TUT4: variants seen among roughly 807,000 people sequenced by gnomAD.
The protein encoded by TUT4 is terminal uridylyltransferase 4.
TUT4 carries 36 observed loss-of-function variants against 192.2 expected under a neutral mutation model. The ratio of observed to expected loss-of-function variants is 0.19; its 90% CI spans 0.14 to 0.25. The LOEUF (loss-of-function observed/expected upper bound fraction) is 0.25. Ranked by LOEUF, TUT4 falls within the 10% of genes least tolerant of loss-of-function variation. TUT4 has a pLI of 1.00. For missense variants in TUT4, 1,493 were observed against 1,957.2 expected, an observed-to-expected ratio of 0.76 and a Z score of 4.47; for synonymous variants, 618 against 666.0, an observed-to-expected ratio of 0.93 and a Z score of 1.11.
chr1:52,479,624 T>A (rs189170408), intron 11 of TUT4, among the ~76,000 whole-genome samples: 2 of 152,234 alleles, frequency 1.3e-5, no homozygotes, highest in Non-Finnish European at 2.9e-5. Context: ...GTGCAAACAA[T>A]TAAGATGAAA....
Position 52,472,106 on chromosome 1 carries a change from C to T in TUT4, c.2728-4G>A, listed in dbSNP as rs770778685. ...TGCTGCATACTATCGTTGGTGGCTA[C>T]ACAAAGATAAAAAGAAATCTAATCT... On this transcript the variant is annotated splice_region_variant and splice_polypyrimidine_tract_variant and intron_variant, in intron 13 of 29. Transcript: ENST00000257177. 1.2e-6 allele frequency: 2 copies of T among 1,611,290 alleles called. No homozygotes were observed. The highest frequency in any genetic ancestry group is 1.1e-5 in the South Asian group (1 of 90,480).
At chr1:52,482,618 G>C (rs1200989132) in intron 9 of TUT4, among the ~76,000 whole-genome samples, 2 of 151,940 alleles carry the variant, frequency 1.3e-5, no homozygotes, top group African/African-American at 2.4e-5. Context: ...TAGACTATTT[G>C]TAGACAAATT....
chr1:52,451,849 A>G (rs1659528724), intron 20 of TUT4, among the ~76,000 whole-genome samples: 1 of 151,908 alleles, frequency 6.6e-6, no homozygotes, highest in African/African-American at 2.4e-5. Context: ...TCTCAAAAAA[A>G]AAAAAAAGAC....
At chr1:52,521,592 G>A (rs919475181) in intron 2 of TUT4, among the ~76,000 whole-genome samples, 5 of 152,188 alleles carry the variant, frequency 3.3e-5, no homozygotes, top group Admixed American at 3.3e-4. Flanking sequence ...TTAAGCCCAG[G>A]AGGTAGAAGT....
At position 52,423,637 on chromosome 1, in the gene TUT4, C is replaced by A; in HGVS notation, c.*298G>T. The A allele has an allele frequency of 2.4e-6, 1 of 425,494 alleles. No individual in the cohort carries two copies. The highest frequency in any genetic ancestry group is 4.1e-6 in the Non-Finnish European group (1 of 241,032). The allele number at this position is 425,494 out of a possible 1,614,324, so 26.4% of individuals were successfully genotyped here. On this transcript the variant is annotated 3_prime_UTR_variant, in exon 30 of 30. Coordinates refer to ENST00000257177, the MANE Select transcript of TUT4 (RefSeq NM_001009881.3). ...CAAGGTTAAACAAAACATAAAATTC[C>A]CTTAAAAATAGGGTAATAAAATAGA...
chr1:52,459,508 G>C (rs1034871132), intron 19 of TUT4, among the ~76,000 whole-genome samples: 10 of 151,972 alleles, frequency 6.6e-5, no homozygotes, highest in Non-Finnish European at 1.3e-4. Flanking sequence ...AGGATCAATT[G>C]AGCCCAGGAG....
intron 4 of TUT4, 51 bp downstream of exon 4, chr1:52,509,545 T>C: frequency 6.8e-6 from 7 of 1,025,642 alleles, no homozygotes; most frequent in South Asian, 6.0e-5. Flanking sequence ...ATATTCAATA[T>C]GGTTTTACAA....
intron 26 of TUT4, among the ~76,000 whole-genome samples, chr1:52,436,004 A>AT (rs755394425): frequency 1.6e-4 from 24 of 151,056 alleles, no homozygotes; most frequent in African/African-American, 3.6e-4. Context: ...ATGTTCTCTT[A>AT]TTTTTTTTTA....
intron 24 of TUT4, 59 bp downstream of exon 24, chr1:52,445,728 A>C: frequency 7.8e-7 from 1 of 1,278,828 alleles, no homozygotes; most frequent in Non-Finnish European, 1.1e-6. Flanking sequence ...AAACACAATT[A>C]AGTTTCTTGT....
At chr1:52,472,162 G>T in intron 13 of TUT4, 60 bp from the exon 14 acceptor site, 1 of 1,487,760 alleles carries the variant, frequency 6.7e-7, no homozygotes. Context: ...CATCACTTAG[G>T]AAGTGAATTC....
chr1:52,477,877 A>C lies in TUT4; in HGVS notation c.1854T>G (p.Pro618=), dbSNP rs766526751. 3 of 1,581,734 alleles carry C rather than the reference A, an allele frequency of 1.9e-6. No individual in the cohort carries two copies. The Admixed American group carries it at 6.0e-5, about 32-fold the overall frequency. The change falls in exon 12 of 30, where the codon CCT becomes CCG. Residue 618 remains proline, a synonymous_variant. Transcript: ENST00000257177. The part of the protein sequence containing the change: ...NAMKEKHGKS[P]LALETPNRVS... ...CCCGATTTGGTGTTTCCAATGCTAA[A>C]GGAGACTGGAAAAGAAAAAATACTT... is the stretch of plus-strand genomic sequence containing the variant.
chr1:52,473,870 G>GT (rs1441932869), intron 13 of TUT4, among the ~76,000 whole-genome samples: 1 of 152,070 alleles, frequency 6.6e-6, no homozygotes, highest in Non-Finnish European at 1.5e-5. Flanking sequence ...TGTTCAATGG[G>GT]TTTTTTCCTA....
rs1022177703 is a variant in TUT4, at chr1:52,435,240, CAT to C, written c.4263+123_4263+124del. ...TTCCACCTTATGTGCCTAGCAAGGA[CAT>C]ATATACAAAGCACTGTGTAATCTGG... On this transcript the variant is annotated intron_variant, in intron 27 of 29. Transcript: ENST00000257177. 6.1e-6 allele frequency: 4 copies of C among 650,438 alleles called. No individual in the cohort carries two copies. In the African/African-American group the frequency reaches 7.3e-5, roughly 12 times the overall value. 40.3% of individuals were successfully genotyped at this position (650,438 alleles called of 1,614,324 possible).
At chr1:52,429,046 C>T (rs1394579191) in intron 28 of TUT4, among the ~76,000 whole-genome samples, 1 of 149,206 alleles carries the variant, frequency 6.7e-6, no homozygotes, top group African/African-American at 2.5e-5. Flanking sequence ...ATATACTTTA[C>T]TGTCTTTTGT....
Position 52,429,471 on chromosome 1 carries a change from C to T in TUT4, c.4711+1542G>A, listed in dbSNP as rs138286476. Among the ~76,000 whole-genome samples, 765 of 151,590 alleles carry T rather than the reference C, an allele frequency of 5.0e-3. 8 individuals are homozygous for T. The highest frequency in any genetic ancestry group is 0.017 in the African/African-American group (709 of 41,386). On this transcript the variant is annotated intron_variant, in intron 28 of 29. Coordinates refer to ENST00000257177, the MANE Select transcript of TUT4 (RefSeq NM_001009881.3). ...GCTAAGGCAGGAGGAGCACTTGAGC[C>T]CAGGAGTTCAAGGTTGTAGTATGCT...
intron 3 of TUT4, among the ~76,000 whole-genome samples, chr1:52,510,144 T>G (rs1676717220): frequency 6.6e-6 from 1 of 151,756 alleles, no homozygotes; most frequent in Admixed American, 6.6e-5. Flanking sequence ...AAACCCATTC[T>G]CTACTAAAAA....
At position 52,461,777 on chromosome 1, in the gene TUT4, ACAAAT is replaced by A; in HGVS notation, c.3070-13_3070-9del. The A allele has an allele frequency of 7.5e-7, 1 of 1,340,346 alleles. No individual in the cohort carries two copies. Among genetic ancestry groups the A allele is most frequent in the Non-Finnish European group, 1.0e-6 (1 of 973,440 alleles). The allele number at this position is 1,340,346 out of a possible 1,614,324, so 83.0% of individuals were successfully genotyped here. A position where few individuals can be genotyped will look rare whatever the true frequency, so the allele number is the denominator to read the frequency against. On this transcript the variant is annotated splice_polypyrimidine_tract_variant and intron_variant, in intron 16 of 29. Coordinates refer to ENST00000257177, the MANE Select transcript of TUT4 (RefSeq NM_001009881.3). ...TTCCTTACAATTTAATTTCTAAAAA[ACAAAT>A]CAAATAAATAAGTTTGACTCAATTT... is the stretch of plus-strand genomic sequence containing the variant.
chr1:52,493,726 G>A, intron 6 of TUT4, 64 bp from the exon 7 acceptor site: 1 of 1,000,238 alleles, frequency 1.0e-6, no homozygotes, highest in East Asian at 2.5e-5. Flanking sequence ...GAACATTAAG[G>A]AAAACTCAAT....
chr1:52,489,008 T>G lies in TUT4; in HGVS notation c.1416A>C (p.Gly472=). ...KSGLLCRVSA[G]NDMACLTTDL... is the part of the protein sequence containing the mutation. Reference sequence around the variant, plus strand: ...CAGTAGTGAGACATGCCATATCGTTTCCTGCACTCACTCTACAAAGTAAAC... The same window carrying G: ...CAGTAGTGAGACATGCCATATCGTTGCCTGCACTCACTCTACAAAGTAAAC... Residue 472 remains glycine (G), a synonymous_variant, in exon 9 of 30, where the codon GGA becomes GGC. Transcript: ENST00000257177. 1 of 1,613,324 alleles carries G rather than the reference T, an allele frequency of 6.2e-7. No homozygotes were observed.
Sources: allele counts gnomAD v4.1 joint callset (sites outside exome capture counted in the v4.1 genomes callset), GRCh38; gene constraint gnomAD v4.1.1; transcripts MANE v1.5; gene names NCBI Gene and HGNC (gene_info 2026-07-23, HGNC 2026-07-21).